Variants in ASTN2 observed in about 807,000 individuals in gnomAD.
ASTN2 encodes astrotactin 2, also known as astrotactin-2.
In ASTN2, 54 loss-of-function variants were observed where a neutral mutation model predicts 139.8. That is an observed-to-expected ratio of 0.39 (90% CI 0.31 to 0.48). ASTN2 has a LOEUF of 0.48. Among genes scored for constraint, ASTN2 ranks in the 20% least tolerant of loss-of-function variants. The pLI is 0.95. For synonymous variants in ASTN2, 756 were observed against 719.5 expected (o/e 1.05, Z -0.81); for missense variants, 1,565 against 1,725.1 (o/e 0.91, Z 1.64).
At chr9:117,206,418 A>G (rs545680164) in intron 3 of ASTN2, among the ~76,000 whole-genome samples, 1 of 152,164 alleles carries the variant, frequency 6.6e-6, no homozygotes, top group African/African-American at 2.4e-5. Flanking sequence ...CAGTTTAAAG[A>G]GCCACCAAGA....
intron 20 of ASTN2, among the ~76,000 whole-genome samples, chr9:116,466,907 T>C (rs193062399): frequency 7.9e-4 from 121 of 152,258 alleles, no homozygotes; most frequent in African/African-American, 2.8e-3. Context: ...GTTTTGTTTG[T>C]TTTCCTTACC....
intron 2 of ASTN2, among the ~76,000 whole-genome samples, chr9:117,284,888 C>T (rs765900731): frequency 6.6e-6 from 1 of 152,208 alleles, no homozygotes; most frequent in Non-Finnish European, 1.5e-5. Context: ...TCAGAACACA[C>T]AGAGTCACAG....
At chr9:117,203,584 G>A (rs1338043901) in intron 3 of ASTN2, among the ~76,000 whole-genome samples, 1 of 152,012 alleles carries the variant, frequency 6.6e-6, no homozygotes, top group Non-Finnish European at 1.5e-5. Flanking sequence ...CTGCTTGTTT[G>A]TTTTTCTTTC....
At chr9:116,450,925 C>T (rs560153911) in intron 20 of ASTN2, among the ~76,000 whole-genome samples, 1 of 152,210 alleles carries the variant, frequency 6.6e-6, no homozygotes, top group African/African-American at 2.4e-5. Context: ...ACTTTCAAAA[C>T]AACTCAGTCT....
chr9:117,026,311 A>C (rs192891879), intron 6 of ASTN2, among the ~76,000 whole-genome samples: 1 of 152,156 alleles, frequency 6.6e-6, no homozygotes, highest in East Asian at 1.9e-4. Flanking sequence ...CCCATTTTTC[A>C]GAAGATGAAG....
chr9:117,351,046 C>A (rs761029316), intron 1 of ASTN2, among the ~76,000 whole-genome samples: 5 of 152,152 alleles, frequency 3.3e-5, no homozygotes, highest in Non-Finnish European at 7.3e-5. Context: ...GCTCTCCTTG[C>A]ACCCTCAACG....
chr9:117,225,682 T>C lies in ASTN2; in HGVS notation c.631-10940A>G, dbSNP rs564260771. 2.0e-5 allele frequency among the ~76,000 whole-genome samples: 3 copies of C among 150,856 alleles called. No homozygotes were observed. The East Asian group carries it at 6.0e-4, about 30-fold the overall frequency. ...AGCAGGCAGACCTAAGTTCCCATTT[T>C]TACTCTGCCACCTACCAGTAATGGG... On this transcript the variant is annotated intron_variant, in intron 2 of 22. Coordinates refer to ENST00000313400, the MANE Select transcript of ASTN2 (RefSeq NM_001365068.1).
At chr9:116,952,965 T>A (rs1170071114) in intron 10 of ASTN2, among the ~76,000 whole-genome samples, 3 of 152,222 alleles carry the variant, frequency 2.0e-5, no homozygotes, top group Non-Finnish European at 4.4e-5. Flanking sequence ...CCCGTCTTAT[T>A]GTCCCACAGT....
chr9:116,728,864 G>A (rs1828701915), intron 15 of ASTN2, 128 bp downstream of exon 15: 2 of 735,754 alleles, frequency 2.7e-6, no homozygotes, highest in Admixed American at 4.8e-5. Flanking sequence ...CTCCTTGATG[G>A]CAGAGAGGAT....
intron 19 of ASTN2, among the ~76,000 whole-genome samples, chr9:116,533,952 G>A (rs1418099468): frequency 6.6e-6 from 1 of 152,158 alleles, no homozygotes; most frequent in Admixed American, 6.5e-5. Context: ...GCTCCTCCTT[G>A]TACCTCTGGT....
At chr9:117,321,148 G>C (rs1301034986) in intron 1 of ASTN2, among the ~76,000 whole-genome samples, 1 of 152,194 alleles carries the variant, frequency 6.6e-6, no homozygotes, top group African/African-American at 2.4e-5. Flanking sequence ...TTCATAGGAA[G>C]GCAACCATGA....
intron 17 of ASTN2, among the ~76,000 whole-genome samples, chr9:116,632,198 A>G (rs199794859): frequency 0.091 from 3,198 of 35,210 alleles, 179 homozygotes; most frequent in East Asian, 0.19. Context: ...GAGAGAGAGA[A>G]AGAAAGAAAA....
chr9:117,196,586 G>A (rs569941048), intron 3 of ASTN2, among the ~76,000 whole-genome samples: 2 of 152,220 alleles, frequency 1.3e-5, no homozygotes, highest in Admixed American at 1.3e-4. Flanking sequence ...GGCCATTGCT[G>A]GTATTTAAGG....
chr9:116,811,647 A>G (rs1282593164), intron 12 of ASTN2, among the ~76,000 whole-genome samples: 2 of 152,218 alleles, frequency 1.3e-5, no homozygotes, highest in African/African-American at 2.4e-5. Flanking sequence ...CTTTGGTGTC[A>G]TAATCTATTA....
At chr9:116,720,675 C>A (rs990822339) in intron 16 of ASTN2, among the ~76,000 whole-genome samples, 1 of 151,992 alleles carries the variant, frequency 6.6e-6, no homozygotes, top group Admixed American at 6.6e-5. Context: ...ATACACACAT[C>A]TGTCACCTTC....
At chr9:117,094,587 A>C (rs1587956698) in intron 5 of ASTN2, among the ~76,000 whole-genome samples, 1 of 152,148 alleles carries the variant, frequency 6.6e-6, no homozygotes, top group Non-Finnish European at 1.5e-5. Context: ...GATCAAGTGG[A>C]GAAAGCTGAG....
chr9:116,867,941 C>T (rs1833060188), intron 10 of ASTN2, among the ~76,000 whole-genome samples: 1 of 152,074 alleles, frequency 6.6e-6, no homozygotes, highest in Admixed American at 6.6e-5. Flanking sequence ...GGGGCTCAAT[C>T]CTTCATCTCA....
intron 6 of ASTN2, among the ~76,000 whole-genome samples, chr9:117,030,725 A>G (rs544976210): frequency 2.6e-5 from 4 of 151,676 alleles, no homozygotes; most frequent in Non-Finnish European, 5.9e-5. Flanking sequence ...CCATGGTTTT[A>G]TGGATTTAGA....
At position 116,698,933 on chromosome 9, in the gene ASTN2, C is replaced by T; in HGVS notation, c.2806+26838G>A. 5 of 1,614,206 alleles carry T rather than the reference C, an allele frequency of 3.1e-6. No homozygotes were observed. The highest frequency in any genetic ancestry group is 4.2e-6 in the Non-Finnish European group (5 of 1,180,042). ...ACCGTGGTAACTATCGTATACAAGTCTTTACCCGCAAAGGCTTTTTGAAGG... is the reference window on the plus strand; with the variant it reads ...ACCGTGGTAACTATCGTATACAAGTTTTTACCCGCAAAGGCTTTTTGAAGG... On this transcript the variant is annotated intron_variant, in intron 16 of 22. Transcript: ENST00000313400. This position sits in a 1 kb window ranked among gnomAD's most constrained non-coding sequence, Gnocchi z 4.4.
Sources: gnomAD v4.1 joint callset for allele counts (sites outside exome capture counted in the v4.1 genomes callset) on GRCh38, gnomAD v4.1.1 for gene constraint, Gnocchi (gnomAD v3.1) non-coding constraint, MANE v1.5 for transcripts, NCBI Gene and HGNC (gene_info 2026-07-23, HGNC 2026-07-21) for gene names.